Variants in UNC13C observed in about 807,000 individuals in gnomAD.
The protein encoded by UNC13C is unc-13 homolog C, also known as protein unc-13 homolog C.
Under a neutral mutation model 245.4 loss-of-function variants are expected in UNC13C, and 174 were observed. That is an observed-to-expected ratio of 0.71 (90% CI 0.63 to 0.80). The LOEUF is 0.80. Among genes scored for constraint, UNC13C ranks in the 30% least tolerant of loss-of-function variants. The pLI, the probability that UNC13C is intolerant of heterozygous loss-of-function variation, is 0.00. For missense variants in UNC13C, 2,829 were observed against 2,602.9 expected, an observed-to-expected ratio of 1.09 and a Z score of -1.89; for synonymous variants, 992 against 895.1, an observed-to-expected ratio of 1.11 and a Z score of -1.93.
At chr15:54,049,297 G>T in intron 2 of UNC13C, 1 of 522,302 alleles carries the variant, frequency 1.9e-6, no homozygotes, top group South Asian at 1.5e-5. Context: ...TTTTGGAGAT[G>T]AAATAAAGGG....
the UNC13C span, among the ~76,000 whole-genome samples, chr15:53,883,992 A>G: frequency 2.4e-4 from 36 of 152,186 alleles, no homozygotes; most frequent in African/African-American, 8.7e-4. Context: ...TCTCTCTACT[A>G]TTTCCAGTTT....
chr15:53,939,295 T>C, the UNC13C span, among the ~76,000 whole-genome samples: 2 of 152,102 alleles, frequency 1.3e-5, no homozygotes, highest in African/African-American at 4.8e-5. Flanking sequence ...CAAGAATAAA[T>C]TGAATTCCTG....
At chr15:54,156,794 G>GGCCGGGCGCGGTGGCTCATGCCTGTA (rs1237668946) in intron 4 of UNC13C, among the ~76,000 whole-genome samples, 1 of 149,370 alleles carries the variant, frequency 6.7e-6, no homozygotes, top group African/African-American at 2.5e-5. Flanking sequence ...AGACATATTT[G>GGCCGGGCGCGGTGGCTCATGCCTGTA]ATGAAAGACT....
At chr15:54,422,341 T>C (rs975530622) in intron 19 of UNC13C, among the ~76,000 whole-genome samples, 1 of 152,032 alleles carries the variant, frequency 6.6e-6, no homozygotes, top group African/African-American at 2.4e-5. Flanking sequence ...TCTAAGTAGT[T>C]TGCACATTTC....
In UNC13C at chr15:54,591,381, A is replaced by T. The variant is rs145938155; in HGVS notation, c.6106+23434A>T. The stretch of plus-strand genomic sequence containing the variant: ...AAGGATTGGTACCAATTCTTCCTTG[A>T]ATGTCTGGTAGAATTCTGCTGTGAA... On this transcript the variant is annotated intron_variant, in intron 30 of 32. Transcript: ENST00000260323. Among the ~76,000 whole-genome samples the T allele has an allele frequency of 4.6e-5, 7 of 152,196 alleles. No individual in the cohort carries two copies. The East Asian group carries it at 1.4e-3, about 29-fold the overall frequency.
At chr15:54,204,000 C>T (rs2034626562) in intron 4 of UNC13C, among the ~76,000 whole-genome samples, 1 of 151,360 alleles carries the variant, frequency 6.6e-6, no homozygotes, top group Non-Finnish European at 1.5e-5. Flanking sequence ...TTGCAACAAC[C>T]TGGTTGGAAT....
At chr15:53,856,219 T>C in the UNC13C span, among the ~76,000 whole-genome samples, 1 of 152,004 alleles carries the variant, frequency 6.6e-6, no homozygotes, top group Admixed American at 6.6e-5. Flanking sequence ...TATTTTATTA[T>C]TATCATTATA....
intron 30 of UNC13C, among the ~76,000 whole-genome samples, chr15:54,593,153 G>A (rs907254201): frequency 6.6e-6 from 1 of 152,292 alleles, no homozygotes; most frequent in Admixed American, 6.5e-5. Flanking sequence ...CTTTTAGCTT[G>A]TAGGGTTTCT....
chr15:54,047,415 C>G (rs1595764605), intron 2 of UNC13C, among the ~76,000 whole-genome samples: 1 of 152,056 alleles, frequency 6.6e-6, no homozygotes, highest in East Asian at 1.9e-4. Context: ...CAACCCCTAC[C>G]CTTCCTTCTC....
chr15:54,294,875 T>C (rs1030188966), intron 11 of UNC13C, among the ~76,000 whole-genome samples: 12 of 152,164 alleles, frequency 7.9e-5, no homozygotes, highest in Admixed American at 5.9e-4. Context: ...AATTAAAAAG[T>C]GCTTTTGACT....
chr15:54,134,480 T>C (rs2141221255), intron 2 of UNC13C, among the ~76,000 whole-genome samples: 1 of 152,186 alleles, frequency 6.6e-6, no homozygotes. Context: ...AACATTGTCT[T>C]CATCTGCTGA....
intron 2 of UNC13C, among the ~76,000 whole-genome samples, chr15:54,117,523 TTCTCTCTCTCTCTCTC>T (rs56332846): frequency 2.7e-4 from 28 of 102,106 alleles, no homozygotes; most frequent in East Asian, 1.1e-3. Flanking sequence ...ACTATTATGT[TTCTCTCTCTCTCTCTC>T]TCTCTCTCTC....
intron 19 of UNC13C, among the ~76,000 whole-genome samples, chr15:54,416,530 C>A (rs765297751): frequency 6.6e-6 from 1 of 152,256 alleles, no homozygotes; most frequent in Middle Eastern, 3.4e-3. Context: ...CCCAGCCCTT[C>A]CTACCTCTTC....
At chr15:53,913,308 T>C in the UNC13C span, 8 of 152,210 alleles carry the variant, frequency 5.3e-5, no homozygotes, top group African/African-American at 1.7e-4. Context: ...TAGATGTGCA[T>C]GTGACCACAG....
At chr15:54,198,975 A>G (rs2034441815) in intron 4 of UNC13C, among the ~76,000 whole-genome samples, 1 of 152,048 alleles carries the variant, frequency 6.6e-6, no homozygotes, top group Non-Finnish European at 1.5e-5. Context: ...TCTTTAGTGA[A>G]ACAAAAAGCA....
chr15:53,922,722 A>G, the UNC13C span, among the ~76,000 whole-genome samples: 1 of 152,210 alleles, frequency 6.6e-6, no homozygotes, highest in Non-Finnish European at 1.5e-5. Flanking sequence ...TCAACAGAGC[A>G]TGCAATATTG....
chr15:54,553,515 C>T lies in UNC13C; in HGVS notation c.5878-1917C>T, dbSNP rs186351987. On this transcript the variant is annotated intron_variant, in intron 28 of 32. Transcript: ENST00000260323. ...ACATATAATATATATTAAATATATG[C>T]TATATATAACATATATTTGCCTCAA... Among the ~76,000 whole-genome samples, 50 of 137,692 alleles carry T rather than the reference C, an allele frequency of 3.6e-4. 1 individual carries two copies. The East Asian group carries it at 0.01, about 28-fold the overall frequency. 90.3% of individuals were successfully genotyped at this position (137,692 alleles called of 152,430 possible).
intron 2 of UNC13C, among the ~76,000 whole-genome samples, chr15:54,019,899 T>G (rs1472667423): frequency 6.6e-6 from 1 of 152,230 alleles, no homozygotes; most frequent in Non-Finnish European, 1.5e-5. Flanking sequence ...TTTTCACAGA[T>G]TATTGTGACT....
chr15:54,467,693 A>G (rs1369976464), intron 19 of UNC13C, among the ~76,000 whole-genome samples: 1 of 151,604 alleles, frequency 6.6e-6, no homozygotes, highest in African/African-American at 2.4e-5. Context: ...TTTGAGTTTG[A>G]CTTTTTCAGA....
Sources: gnomAD v4.1 joint callset for allele counts (sites outside exome capture counted in the v4.1 genomes callset) on GRCh38, gnomAD v4.1.1 for gene constraint, MANE v1.5 for transcripts, NCBI Gene and HGNC (gene_info 2026-07-23, HGNC 2026-07-21) for gene names.